POLR1D: variants seen among roughly 807,000 people sequenced by gnomAD.
POLR1D encodes the protein RNA polymerase I and III subunit D.
Under a neutral mutation model 10.8 loss-of-function variants are expected in POLR1D, and 8 were observed. The observed-to-expected ratio is 0.74, with a 90% confidence interval of 0.43 to 1.33. The LOEUF (loss-of-function observed/expected upper bound fraction) is 1.33. Ranked by LOEUF, POLR1D falls within the 40% of genes most tolerant of loss-of-function variation. The pLI, the probability that POLR1D is intolerant of heterozygous loss-of-function variation, is 0.01. For synonymous variants in POLR1D, 54 were observed against 57.2 expected (o/e 0.94, Z 0.25); for missense variants, 152 against 161.7 (o/e 0.94, Z 0.32).
At chr13:27,653,508 A>G (rs946278425) in intron 2 of POLR1D, among the ~76,000 whole-genome samples, 1 of 152,192 alleles carries the variant, frequency 6.6e-6, no homozygotes, top group African/African-American at 2.4e-5. Flanking sequence ...CTTTCCCATG[A>G]GTCTGAAAGA....
chr13:27,629,041 C>A (rs934810779), intron 1 of POLR1D, among the ~76,000 whole-genome samples: 1 of 152,148 alleles, frequency 6.6e-6, no homozygotes, highest in African/African-American at 2.4e-5. Flanking sequence ...CCAGGCTGGT[C>A]TTGAACTCCT....
chr13:27,662,779 C>G (rs1956376901), intron 2 of POLR1D, among the ~76,000 whole-genome samples: 1 of 152,200 alleles, frequency 6.6e-6, no homozygotes, highest in Non-Finnish European at 1.5e-5. Flanking sequence ...TGAACCAAAA[C>G]TGAAATTAAC....
At chr13:27,630,805 T>C (rs1956065518) in intron 1 of POLR1D, among the ~76,000 whole-genome samples, 1 of 152,252 alleles carries the variant, frequency 6.6e-6, no homozygotes, top group African/African-American at 2.4e-5. Context: ...ACTTATGGTC[T>C]TCATAGTACA....
intron 1 of POLR1D, 105 bp from the exon 2 acceptor site, chr13:27,622,769 AG>A: frequency 1.4e-6 from 1 of 710,670 alleles, no homozygotes; most frequent in Non-Finnish European, 2.5e-6. Context: ...GTGTAGCTGG[AG>A]TAGATTAATA....
intron 2 of POLR1D, among the ~76,000 whole-genome samples, chr13:27,654,808 A>G (rs1214056294): frequency 6.6e-6 from 1 of 152,240 alleles, no homozygotes; most frequent in Non-Finnish European, 1.5e-5. Context: ...GCATGGTGGT[A>G]AAGAGTACAA....
At chr13:27,635,696 C>CTATATATATATATATATATATATA (rs3081355) in intron 1 of POLR1D, among the ~76,000 whole-genome samples, 1 of 140,576 alleles carries the variant, frequency 7.1e-6, no homozygotes, top group Admixed American at 7.2e-5. Context: ...TACAAAGTAA[C>CTATATATATATATATATATATATA]TATATATATA....
chr13:27,649,298 C>G (rs1274678998), intron 2 of POLR1D, among the ~76,000 whole-genome samples: 4 of 151,926 alleles, frequency 2.6e-5, no homozygotes, highest in Admixed American at 2.6e-4. Context: ...CACCTAAATT[C>G]CAAGACAAAA....
intron 1 of POLR1D, among the ~76,000 whole-genome samples, chr13:27,638,880 C>T (rs992541965): frequency 5.9e-5 from 9 of 151,914 alleles, no homozygotes; most frequent in African/African-American, 2.2e-4. Context: ...AACAGTACAC[C>T]TACCAAACTT....
intron 2 of POLR1D, chr13:27,665,166 A>C (rs1956403152): frequency 6.4e-6 from 1 of 155,212 alleles, no homozygotes; most frequent in African/African-American, 2.4e-5. Flanking sequence ...TTTAAGTAAA[A>C]GATTATTGCA....
At chr13:27,654,199 G>A (rs538974253) in intron 2 of POLR1D, among the ~76,000 whole-genome samples, 19 of 152,206 alleles carry the variant, frequency 1.2e-4, no homozygotes, top group East Asian at 3.9e-4. Flanking sequence ...TAGTAATTTC[G>A]TAATATTCTT....
intron 1 of POLR1D, among the ~76,000 whole-genome samples, chr13:27,641,686 C>T (rs1379033093): frequency 2.0e-5 from 3 of 151,990 alleles, no homozygotes; most frequent in African/African-American, 7.3e-5. Flanking sequence ...TTCATGTGCC[C>T]CTCAGTGGGC....
intron 2 of POLR1D, among the ~76,000 whole-genome samples, chr13:27,651,900 A>G (rs2138560097): frequency 1.3e-5 from 2 of 152,354 alleles, no homozygotes; most frequent in East Asian, 3.9e-4. Context: ...GAAAACACCC[A>G]GCATGGTTCC....
chr13:27,657,137 G>C (rs1956315446), intron 2 of POLR1D, among the ~76,000 whole-genome samples: 1 of 152,184 alleles, frequency 6.6e-6, no homozygotes, highest in African/African-American at 2.4e-5. Context: ...CCCTCTACCA[G>C]GGGCTCTGTT....
intron 1 of POLR1D, 106 bp from the exon 2 acceptor site, chr13:27,622,769 A>G: frequency 1.4e-6 from 1 of 710,670 alleles, no homozygotes. Flanking sequence ...GTGTAGCTGG[A>G]GTAGATTAAT....
At chr13:27,626,277 A>T (rs538808719), downstream of POLR1D, among the ~76,000 whole-genome samples, 1 of 152,244 alleles carries the variant, frequency 6.6e-6, no homozygotes, top group Non-Finnish European at 1.5e-5. Flanking sequence ...ATCAAGGTAC[A>T]GACTGATGAT....
At chr13:27,666,081 T>A in exon 3 of POLR1D, 1 of 845,472 alleles carries the variant, frequency 1.2e-6, no homozygotes, top group Non-Finnish European at 1.8e-6. Context: ...TTGTTGTTTT[T>A]AAAGAGGCTG....
chr13:27,659,357 G>A (rs962761367), intron 2 of POLR1D, among the ~76,000 whole-genome samples: 7 of 152,126 alleles, frequency 4.6e-5, no homozygotes, highest in African/African-American at 7.2e-5. Context: ...CAATGAGGAG[G>A]GGAGCAAGGG....
At chr13:27,635,202 C>G (rs1456698491) in intron 1 of POLR1D, among the ~76,000 whole-genome samples, 1 of 152,094 alleles carries the variant, frequency 6.6e-6, no homozygotes, top group Non-Finnish European at 1.5e-5. Flanking sequence ...GGTTTACTGA[C>G]AATACTTGGT....
intron 2 of POLR1D, among the ~76,000 whole-genome samples, chr13:27,660,402 C>T (rs1367226529): frequency 2.0e-5 from 3 of 152,180 alleles, no homozygotes; most frequent in South Asian, 2.1e-4. Flanking sequence ...AATAAAAGAA[C>T]GCATTGAAGT....
Sources: allele counts gnomAD v4.1 joint callset (sites outside exome capture counted in the v4.1 genomes callset), GRCh38; gene constraint gnomAD v4.1.1; transcripts MANE v1.5; gene names NCBI Gene and HGNC (gene_info 2026-07-23, HGNC 2026-07-21).